MPPED2: variants seen among roughly 807,000 people sequenced by gnomAD.
MPPED2 encodes the protein metallophosphoesterase domain containing 2.
A neutral mutation model predicts 33.0 loss-of-function variants in MPPED2; 5 were observed. The observed-to-expected ratio is 0.15, with a 90% confidence interval of 0.08 to 0.32. The LOEUF is 0.32. Among genes scored for constraint, MPPED2 ranks in the 10% least tolerant of loss-of-function variants. The probability of loss-of-function intolerance (pLI) is 1.00; values close to 1 mark genes in which losing one functional copy is unlikely to be tolerated. For missense variants in MPPED2, 275 were observed against 372.1 expected, an observed-to-expected ratio of 0.74 and a Z score of 2.15; for synonymous variants, 136 against 141.9, an observed-to-expected ratio of 0.96 and a Z score of 0.29.
At chr11:30,562,454 C>T (rs1438262711) in intron 2 of MPPED2, among the ~76,000 whole-genome samples, 1 of 152,144 alleles carries the variant, frequency 6.6e-6, no homozygotes, top group Non-Finnish European at 1.5e-5. Context: ...GGAAGCCTAC[C>T]TTCTTTCACG....
Position 30,417,562 on chromosome 11 carries a change from A to G in MPPED2, c.608T>C (p.Ile203Thr). The G allele has an allele frequency of 6.2e-7, 1 of 1,613,286 alleles. No homozygotes were observed. Among genetic ancestry groups the G allele is most frequent in the Non-Finnish European group, 8.5e-7 (1 of 1,179,508 alleles). ...CATGAGTATGTCAATGCCCTCAGGG[A>G]TGAGGTTCCACTTGTCCAGCAGAGA... ...GQSLLDKWNL[I>T]PEGIDILMTH... The change falls in exon 5 of 7, where the codon ATC (isoleucine) becomes ACC (threonine). Residue 203 changes from isoleucine to threonine, a missense_variant. By Grantham distance (89) the Ile-to-Thr change is moderately conservative (BLOSUM62 -1). Coordinates refer to ENST00000358117, the MANE Select transcript of MPPED2 (RefSeq NM_001584.3).
At chr11:30,485,928 T>G (rs1323570883) in intron 4 of MPPED2, among the ~76,000 whole-genome samples, 1 of 152,132 alleles carries the variant, frequency 6.6e-6, no homozygotes, top group East Asian at 1.9e-4. Context: ...TGGCTCTGAT[T>G]ATTAAGGCTT....
intron 4 of MPPED2, among the ~76,000 whole-genome samples, chr11:30,494,737 C>CAAAAAAAAAAAAAAAAAAAAAA (rs767500886): frequency 8.4e-5 from 4 of 47,600 alleles, no homozygotes; most frequent in East Asian, 8.2e-4. Context: ...TACTCCACCT[C>CAAAAAAAAAAAAAAAAAAAAAA]AAAAAAAAAA....
intron 6 of MPPED2, among the ~76,000 whole-genome samples, chr11:30,390,864 C>T (rs1370926390): frequency 6.6e-6 from 1 of 152,084 alleles, no homozygotes; most frequent in Non-Finnish European, 1.5e-5. Context: ...TCCATGGGGC[C>T]TCTTATCTTC....
chr11:30,558,881 C>T (rs1185582398), intron 2 of MPPED2, among the ~76,000 whole-genome samples: 2 of 151,972 alleles, frequency 1.3e-5, no homozygotes, highest in African/African-American at 4.8e-5. Flanking sequence ...GTCCACAAAC[C>T]TGGTCCTCCT....
At chr11:30,420,973 G>A (rs1948584296) in intron 4 of MPPED2, among the ~76,000 whole-genome samples, 1 of 152,132 alleles carries the variant, frequency 6.6e-6, no homozygotes, top group African/African-American at 2.4e-5. Flanking sequence ...TGGACAAAGA[G>A]AGACAGAGAA....
intron 4 of MPPED2, among the ~76,000 whole-genome samples, chr11:30,427,403 G>C (rs2133823960): frequency 6.6e-6 from 1 of 152,300 alleles, no homozygotes; most frequent in East Asian, 1.9e-4. Flanking sequence ...GCATTATCAA[G>C]GGGATATACA....
intron 4 of MPPED2, among the ~76,000 whole-genome samples, chr11:30,434,261 T>C (rs1949218428): frequency 6.6e-6 from 1 of 152,226 alleles, no homozygotes. Context: ...ATGTCACTAC[T>C]GATGAGCTGA....
intron 4 of MPPED2, among the ~76,000 whole-genome samples, chr11:30,430,854 C>CACTT (rs1468129778): frequency 1.3e-5 from 2 of 152,174 alleles, no homozygotes; most frequent in African/African-American, 4.8e-5. Flanking sequence ...GCATACACTG[C>CACTT]ACACCATGTC....
At chr11:30,403,948 T>C (rs552233871) in intron 6 of MPPED2, among the ~76,000 whole-genome samples, 1 of 152,328 alleles carries the variant, frequency 6.6e-6, no homozygotes, top group Non-Finnish European at 1.5e-5. Context: ...CTCTTCCTGT[T>C]ATGAGTTCCA....
chr11:30,544,589 T>C (rs577563815), intron 2 of MPPED2, among the ~76,000 whole-genome samples: 5 of 152,320 alleles, frequency 3.3e-5, no homozygotes, highest in East Asian at 3.9e-4. Flanking sequence ...TAAGCATTTA[T>C]TGAGCACCTT....
chr11:30,403,812 TCTA>T (rs1439109991), intron 6 of MPPED2, among the ~76,000 whole-genome samples: 2 of 152,216 alleles, frequency 1.3e-5, no homozygotes, highest in African/African-American at 4.8e-5. Context: ...CCATTTCTGA[TCTA>T]CTACTATGCA....
chr11:30,386,942 T>G (rs1023067136), exon 7 of MPPED2: 2 of 394,052 alleles, frequency 5.1e-6, no homozygotes, highest in African/African-American at 2.1e-5. Context: ...GCCTAACGTT[T>G]ACCACAGTCC....
In MPPED2 at chr11:30,583,134, C is replaced by CTTTTTTTCTTTT. The variant is rs1554919022; in HGVS notation, c.-121-2641_-121-2640insAAAAGAAAAAAA. Reference sequence around the variant, plus strand: ...CACAAACACCTGGAAAAGACTTTTTCTTTTTTTTTTTTTTTTTTTTTTTTT... The same window carrying CTTTTTTTCTTTT: ...CACAAACACCTGGAAAAGACTTTTTCTTTTTTTCTTTTTTTTTTTTTTTTTTTTTTTTTTTTT... On this transcript the variant is annotated intron_variant, in intron 1 of 6. Coordinates refer to ENST00000358117, the MANE Select transcript of MPPED2 (RefSeq NM_001584.3). Among the ~76,000 whole-genome samples the CTTTTTTTCTTTT allele has an allele frequency of 3.6e-3, 350 of 96,658 alleles. 22 individuals carry two copies. Among genetic ancestry groups the CTTTTTTTCTTTT allele is most frequent in the African/African-American group, 0.015 (308 of 20,680 alleles). 63.4% of individuals were successfully genotyped at this position (96,658 alleles called of 152,430 possible). A position where few individuals can be genotyped will look rare whatever the true frequency, so the allele number is the denominator to read the frequency against.
At chr11:30,493,772 C>T (rs967962324) in intron 4 of MPPED2, among the ~76,000 whole-genome samples, 2 of 152,186 alleles carry the variant, frequency 1.3e-5, no homozygotes, top group African/African-American at 4.8e-5. Flanking sequence ...CCTAAGCAAA[C>T]TATCCGATAT....
chr11:30,449,529 G>A (rs1949959611), intron 4 of MPPED2, among the ~76,000 whole-genome samples: 1 of 147,682 alleles, frequency 6.8e-6, no homozygotes, highest in African/African-American at 2.7e-5. Flanking sequence ...CTGAGTCCCA[G>A]CTACCTGGAA....
intron 4 of MPPED2, among the ~76,000 whole-genome samples, chr11:30,464,741 G>T (rs1950639952): frequency 6.6e-6 from 1 of 152,056 alleles, no homozygotes; most frequent in Admixed American, 6.5e-5. Flanking sequence ...CACTTTTATG[G>T]TTTATAATTT....
intron 6 of MPPED2, among the ~76,000 whole-genome samples, chr11:30,413,278 C>T (rs1948194362): frequency 6.6e-6 from 1 of 152,234 alleles, no homozygotes; most frequent in African/African-American, 2.4e-5. Context: ...CTCAACTTGA[C>T]TGCATATTCA....
At chr11:30,510,753 C>T (rs920309092) in intron 3 of MPPED2, among the ~76,000 whole-genome samples, 6 of 152,054 alleles carry the variant, frequency 3.9e-5, no homozygotes, top group East Asian at 1.9e-4. Flanking sequence ...GCGTTCTGAC[C>T]GGAAACTGGA....
Sources: allele counts gnomAD v4.1 joint callset (sites outside exome capture counted in the v4.1 genomes callset), GRCh38; gene constraint gnomAD v4.1.1; transcripts MANE v1.5; gene names NCBI Gene and HGNC (gene_info 2026-07-23, HGNC 2026-07-21).